Variants in INKA2 observed in about 807,000 individuals in gnomAD.
The protein encoded by INKA2 is PAK4-inhibitor INKA2.
Under a neutral mutation model 9.8 loss-of-function variants are expected in INKA2, and 3 were observed. The observed-to-expected ratio is 0.31, with a 90% CI of 0.14 to 0.79. The LOEUF (loss-of-function observed/expected upper bound fraction) is 0.79, where lower values mean the gene tolerates loss of function less well. INKA2 is among the 30% of genes least tolerant of loss of function. The pLI is 0.62. For synonymous variants in INKA2, 147 were observed against 143.3 expected (o/e 1.03, Z -0.18); for missense variants, 392 against 384.4 (o/e 1.02, Z -0.17).
At chr1:111,749,949 C>A (rs74415859) in intron 1 of INKA2, among the ~76,000 whole-genome samples, 1 of 152,212 alleles carries the variant, frequency 6.6e-6, no homozygotes, top group East Asian at 1.9e-4. Flanking sequence ...CCATGAACCT[C>A]CCTAATAAAT....
chr1:111,732,958 C>T (rs993696276), intron 1 of INKA2, among the ~76,000 whole-genome samples: 5 of 152,210 alleles, frequency 3.3e-5, no homozygotes, highest in African/African-American at 4.8e-5. Context: ...TTCTGAATCT[C>T]AGACGACAAC....
At position 111,726,457 on chromosome 1, in the gene INKA2, T is replaced by A. The variant is rs1662772696; in HGVS notation, c.*511A>T. The A allele has an allele frequency of 9.6e-6, 2 of 207,404 alleles. No individual in the cohort carries two copies. Among genetic ancestry groups the A allele is most frequent in the South Asian group, 3.3e-4 (2 of 6,056 alleles). 12.8% of individuals were successfully genotyped at this position (207,404 alleles called of 1,614,324 possible). A position where few individuals can be genotyped will look rare whatever the true frequency, so the allele number is the denominator to read the frequency against. ...GCTCCAGTCCCAGGAGGCCTGGGGT[T>A]CAGTCCCTGTGCCTGGAGCAATGTC... On this transcript the variant is annotated 3_prime_UTR_variant, in exon 2 of 2. Coordinates refer to ENST00000357260, the MANE Select transcript of INKA2 (RefSeq NM_019099.5).
intron 1 of INKA2, chr1:111,755,564 C>T (rs1438457798): frequency 1.1e-6 from 1 of 951,154 alleles, no homozygotes; most frequent in Non-Finnish European, 1.5e-6. Flanking sequence ...GCACCGGGCG[C>T]ATCACAAAGA....
At chr1:111,745,231 T>TATATAC (rs1356034280) in intron 1 of INKA2, 22 of 112,724 alleles carry the variant, frequency 2.0e-4, no homozygotes, top group African/African-American at 8.1e-4. Context: ...CAAGCAAATA[T>TATATAC]ACACACACAC....
Position 111,725,394 on chromosome 1 carries a change from C to G in INKA2, c.*1574G>C, listed in dbSNP as rs936075260. On this transcript the variant is annotated 3_prime_UTR_variant, in exon 2 of 2. Transcript: ENST00000357260. ...GTGTTCCCTACTGGAGTGGGAGGGA[C>G]AGTGGCTTCCCAGGGCAGTCCTGGG... is the stretch of plus-strand genomic sequence containing the variant. 6.6e-6 allele frequency: 1 copy of G among 152,216 alleles called. No individual in the cohort carries two copies. The highest frequency in any genetic ancestry group is 2.4e-5 in the African/African-American group (1 of 41,420). The allele number at this position is 152,216 out of a possible 1,614,324, so 9.4% of individuals were successfully genotyped here. A position where few individuals can be genotyped will look rare whatever the true frequency, so the allele number is the denominator to read the frequency against.
chr1:111,750,917 C>T (rs1663393790), intron 1 of INKA2, among the ~76,000 whole-genome samples: 1 of 152,240 alleles, frequency 6.6e-6, no homozygotes, highest in Non-Finnish European at 1.5e-5. Context: ...CCTGCCTCTA[C>T]TCACAGTAAA....
chr1:111,742,933 T>TG (rs1388456042), upstream of INKA2, among the ~76,000 whole-genome samples: 5 of 152,148 alleles, frequency 3.3e-5, no homozygotes, highest in East Asian at 9.6e-4. Flanking sequence ...GTGTGTGTGT[T>TG]GGGGGGCAGT....
chr1:111,743,952 G>A (rs1201758767), upstream of INKA2, among the ~76,000 whole-genome samples: 1 of 152,242 alleles, frequency 6.6e-6, no homozygotes, highest in Non-Finnish European at 1.5e-5. Flanking sequence ...AGATATCACT[G>A]CGGAACTGTT....
At position 111,723,331 on chromosome 1, in the gene INKA2, G is replaced by T. The variant is rs149500924; in HGVS notation, c.*3637C>A. On this transcript the variant is annotated 3_prime_UTR_variant, in exon 2 of 2. Coordinates refer to ENST00000357260, the MANE Select transcript of INKA2 (RefSeq NM_019099.5). Reference sequence around the variant, plus strand: ...TTGGGTTCAGAGATCACCCTGAGGGGCGGGGCACAAGGGAAGTGTCTGAGG... The same window carrying T: ...TTGGGTTCAGAGATCACCCTGAGGGTCGGGGCACAAGGGAAGTGTCTGAGG... 4.0e-6 allele frequency: 2 copies of T among 502,580 alleles called. No individual in the cohort carries two copies. Among genetic ancestry groups the T allele is most frequent in the Non-Finnish European group, 7.0e-6 (2 of 285,884 alleles). The allele number at this position is 502,580 out of a possible 1,614,324, so 31.1% of individuals were successfully genotyped here.
chr1:111,752,124 G>A (rs1193851149), intron 1 of INKA2, among the ~76,000 whole-genome samples: 1 of 152,176 alleles, frequency 6.6e-6, no homozygotes, highest in African/African-American at 2.4e-5. Context: ...CAAACGTGAT[G>A]ACTGGAACTA....
At chr1:111,727,943 C>T (rs1662824087) in intron 1 of INKA2, 139 bp from the exon 2 acceptor site, 3 of 782,870 alleles carry the variant, frequency 3.8e-6, no homozygotes, top group East Asian at 2.5e-5. Flanking sequence ...CTCTCTATAG[C>T]CTAGTGCAGT....
Position 111,727,552 on chromosome 1 carries a change from T to C in INKA2, c.310A>G (p.Lys104Glu). Residue 104 changes from lysine to glutamate, a missense_variant, in exon 2 of 2, where the codon AAG (lysine) becomes GAG (glutamate). Physicochemically the swap from Lys to Glu is moderately conservative, Grantham distance 56 (BLOSUM62 1). Transcript: ENST00000357260. ...CAGACACTCCTATGGGATGGAAACT[T>C]GGTGCTGCTGCCAAGAGAAGGTTGA... ...SSQPSLGSST[K>E]FPSHRSVCGR... is the part of the protein sequence containing the mutation. 6.2e-7 allele frequency: 1 copy of C among 1,613,580 alleles called. No individual in the cohort carries two copies. The highest frequency in any genetic ancestry group is 8.5e-7 in the Non-Finnish European group (1 of 1,179,730).
In INKA2 at chr1:111,739,350, C is replaced by T. The variant is rs976930996; in HGVS notation, c.-108G>A. The stretch of plus-strand genomic sequence containing the variant: ...TCCCCGCCCCTGCGCCCGTAGCGCT[C>T]GCAGCGCGGAGCTGAGCCTGCGCTC... On this transcript the variant is annotated 5_prime_UTR_variant, in exon 1 of 2. Coordinates refer to ENST00000357260, the MANE Select transcript of INKA2 (RefSeq NM_019099.5). 1 of 1,560,018 alleles carries T rather than the reference C, an allele frequency of 6.4e-7. No homozygotes were observed. The highest frequency in any genetic ancestry group is 1.4e-5 in the African/African-American group (1 of 72,792).
intron 1 of INKA2, 48 bp from the exon 2 acceptor site, chr1:111,727,852 C>G: frequency 6.4e-7 from 1 of 1,570,470 alleles, no homozygotes. Flanking sequence ...CAGTGGGCAG[C>G]AGTGCCTCTC....
At chr1:111,753,772 T>C (rs1663459929) in intron 1 of INKA2, 1 of 152,168 alleles carries the variant, frequency 6.6e-6, no homozygotes, top group South Asian at 2.1e-4. Flanking sequence ...AAAATTACTG[T>C]CCTTGAGAAG....
chr1:111,735,336 G>A (rs1045346225), intron 1 of INKA2, among the ~76,000 whole-genome samples: 3 of 152,194 alleles, frequency 2.0e-5, no homozygotes, highest in African/African-American at 7.2e-5. Flanking sequence ...AGTTTACCAA[G>A]TGCCTACGAT....
intron 1 of INKA2, chr1:111,755,670 C>T: frequency 6.2e-7 from 1 of 1,612,636 alleles, no homozygotes; most frequent in Non-Finnish European, 8.5e-7. Context: ...AGGCCCGCGG[C>T]GCCCTCTGCA....
At position 111,727,371 on chromosome 1, in the gene INKA2, T is replaced by G; in HGVS notation, c.491A>C (p.Asp164Ala). 2 of 1,613,818 alleles carry G rather than the reference T, an allele frequency of 1.2e-6. No homozygotes were observed. The highest frequency in any genetic ancestry group is 1.3e-5 in the African/African-American group (1 of 74,984). The change falls in exon 2 of 2, where the codon GAC becomes GCC. Residue 164 changes from aspartate to alanine, a missense_variant. Transcript: ENST00000357260. ...PLVLGDNVFA[D>A]LVGNWLDLPE... The stretch of plus-strand genomic sequence containing the variant: ...CAAGTCTAGCCAATTGCCCACCAGG[T>G]CTGCAAAAACGTTGTCCCCTAACAC...
chr1:111,751,108 G>A (rs1663399651), intron 1 of INKA2, among the ~76,000 whole-genome samples: 1 of 152,212 alleles, frequency 6.6e-6, no homozygotes, highest in Admixed American at 6.5e-5. Flanking sequence ...CTGCTTCACA[G>A]GACTTGAGCT....
Sources: gnomAD v4.1 joint callset for allele counts (sites outside exome capture counted in the v4.1 genomes callset) on GRCh38, gnomAD v4.1.1 for gene constraint, MANE v1.5 for transcripts, NCBI Gene and HGNC (gene_info 2026-07-23, HGNC 2026-07-21) for gene names.